Variants in CNOT6L observed in about 807,000 individuals in gnomAD.
CNOT6L encodes the protein CCR4-NOT transcription complex subunit 6 like, also known as CCR4-NOT transcription complex subunit 6-like.
Under a neutral mutation model 64.0 loss-of-function variants are expected in CNOT6L, and 7 were observed. The observed-to-expected ratio is 0.11, with a 90% confidence interval of 0.06 to 0.21. The LOEUF is 0.21. Ranked by LOEUF, CNOT6L falls within the 10% of genes least tolerant of loss-of-function variation. The pLI, the probability that CNOT6L is intolerant of heterozygous loss-of-function variation, is 1.00. For missense variants in CNOT6L, 245 were observed against 669.0 expected (o/e 0.37, Z 6.99); for synonymous variants, 193 against 243.4 (o/e 0.79, Z 1.93).
At position 77,814,517 on chromosome 4, in the gene CNOT6L, A is replaced by G. The variant is rs111456209; in HGVS notation, c.5+4787T>C. On this transcript the variant is annotated intron_variant, in intron 1 of 11. Transcript: ENST00000504123. Reference sequence around the variant, plus strand: ...CTAGTTCATTTGTTTTGAAATAACTAAATTACATGCTTTATTTCCCTTACT... The same window carrying G: ...CTAGTTCATTTGTTTTGAAATAACTGAATTACATGCTTTATTTCCCTTACT... Among the ~76,000 whole-genome samples the G allele has an allele frequency of 1.8e-3, 270 of 152,302 alleles. 2 individuals carry two copies. The highest frequency in any genetic ancestry group is 5.4e-3 in the African/African-American group (225 of 41,576).
At chr4:77,799,275 CTT>C (rs1348961528) in intron 1 of CNOT6L, among the ~76,000 whole-genome samples, 1 of 152,052 alleles carries the variant, frequency 6.6e-6, no homozygotes, top group Admixed American at 6.6e-5. Flanking sequence ...AAAAAACAAA[CTT>C]TGCTGGGAAT....
At chr4:77,738,190 A>G (rs145239820) in intron 8 of CNOT6L, among the ~76,000 whole-genome samples, 3 of 152,316 alleles carry the variant, frequency 2.0e-5, no homozygotes, top group Admixed American at 2.0e-4. Context: ...CAATCCTATG[A>G]TAAGAGATTG....
chr4:77,786,315 G>C (rs946053305), intron 1 of CNOT6L, among the ~76,000 whole-genome samples: 1 of 149,902 alleles, frequency 6.7e-6, no homozygotes, highest in African/African-American at 2.5e-5. Context: ...GAGAGAGAGA[G>C]GAAATAACAT....
chr4:77,820,147 C>T (rs1560446890), upstream of CNOT6L, among the ~76,000 whole-genome samples: 1 of 152,106 alleles, frequency 6.6e-6, no homozygotes, highest in South Asian at 2.1e-4. Context: ...CGCTCACACA[C>T]GTTCACACCC....
Position 77,756,855 on chromosome 4 carries a change from CAGT to C in CNOT6L, c.490+4_490+6del, listed in dbSNP as rs1272170385. On this transcript the variant is annotated splice_donor_5th_base_variant and intron_variant, in intron 5 of 11. Coordinates refer to ENST00000504123, the MANE Select transcript of CNOT6L (RefSeq NM_144571.3). The stretch of plus-strand genomic sequence containing the variant: ...ATTTATTTTACAGCTTTGTCACTAA[CAGT>C]TACCTGCGAGATTGTCAAGCATGAA... The C allele has an allele frequency of 6.4e-7, 1 of 1,574,346 alleles. No homozygotes were observed. The highest frequency in any genetic ancestry group is 1.4e-5 in the African/African-American group (1 of 74,060).
chr4:77,755,319 C>T (rs973489834), intron 5 of CNOT6L, among the ~76,000 whole-genome samples: 4 of 141,328 alleles, frequency 2.8e-5, no homozygotes, highest in Non-Finnish European at 4.5e-5. Flanking sequence ...CGGGTTCAAG[C>T]GATTCTCCTG....
chr4:77,721,237 G>A (rs1721243684), intron 11 of CNOT6L, among the ~76,000 whole-genome samples: 1 of 152,076 alleles, frequency 6.6e-6, no homozygotes, highest in Non-Finnish European at 1.5e-5. Flanking sequence ...TGGAATATGT[G>A]TAAATTCTGG....
At chr4:77,739,531 A>G (rs1723346419) in intron 8 of CNOT6L, among the ~76,000 whole-genome samples, 1 of 152,226 alleles carries the variant, frequency 6.6e-6, no homozygotes. Context: ...GGCAGGGTAT[A>G]ATACTTTAAA....
intron 1 of CNOT6L, among the ~76,000 whole-genome samples, chr4:77,794,372 G>C (rs1730552787): frequency 6.6e-6 from 1 of 151,816 alleles, no homozygotes; most frequent in South Asian, 2.1e-4. Flanking sequence ...TGCAAATAAA[G>C]TCTTTTTTGA....
chr4:77,727,500 A>G (rs1721989200), intron 10 of CNOT6L, among the ~76,000 whole-genome samples: 1 of 143,260 alleles, frequency 7.0e-6, no homozygotes, highest in Non-Finnish European at 1.5e-5. Context: ...CGGGAGGCAG[A>G]GGTTGCAGTC....
chr4:77,812,557 AT>A (rs1733085290), intron 1 of CNOT6L, among the ~76,000 whole-genome samples: 1 of 151,666 alleles, frequency 6.6e-6, no homozygotes, highest in African/African-American at 2.4e-5. Context: ...AACCCCCCAA[AT>A]TTTTTTTAAT....
intron 1 of CNOT6L, among the ~76,000 whole-genome samples, chr4:77,811,340 G>A (rs1732912441): frequency 6.6e-6 from 1 of 152,066 alleles, no homozygotes; most frequent in South Asian, 2.1e-4. Flanking sequence ...ACAAGGTCAG[G>A]AGTTCGAGAC....
chr4:77,765,137 C>A (rs138870063), intron 4 of CNOT6L, among the ~76,000 whole-genome samples: 7 of 152,298 alleles, frequency 4.6e-5, no homozygotes, highest in Non-Finnish European at 8.8e-5. Context: ...GACCTCCAAT[C>A]GTCCTCACTG....
intron 8 of CNOT6L, among the ~76,000 whole-genome samples, chr4:77,735,352 G>A (rs1480076723): frequency 6.6e-6 from 1 of 152,134 alleles, no homozygotes; most frequent in Non-Finnish European, 1.5e-5. Context: ...ATTGCAGCAG[G>A]AGGTATTACT....
Position 77,726,266 on chromosome 4 carries a change from C to T in CNOT6L, c.1356G>A (p.Lys452=), listed in dbSNP as rs1201662757. The part of the protein sequence containing the change: ...ECLMNFSCNG[K]NGSSEGRITH... ...TGATTCTCCCTTCTGAGCTTCCATT[C>T]TTTCCATTGCAGCTGAAGTTCATAA... The change falls in exon 11 of 12, where the codon AAG becomes AAA. Residue 452 remains lysine, a synonymous_variant. Transcript: ENST00000504123. The T allele has an allele frequency of 3.1e-6, 5 of 1,613,764 alleles. No individual in the cohort carries two copies. The highest frequency in any genetic ancestry group is 4.2e-6 in the Non-Finnish European group (5 of 1,179,802).
chr4:77,742,229 A>C lies in CNOT6L; in HGVS notation c.784T>G (p.Phe262Val). ...PALKERGYDG[F>V]FSPKSRAKIM... ...TTGGCACGTGACTTTGGAGAAAAAA[A>C]TCCATCATATCCACGCTCCTTCAAT... is the stretch of plus-strand genomic sequence containing the variant. Residue 262 changes from phenylalanine (F) to valine (V), a missense_variant, in exon 8 of 12, where the codon TTT becomes GTT. By Grantham distance (50) the Phe-to-Val change is conservative. Coordinates refer to ENST00000504123, the MANE Select transcript of CNOT6L (RefSeq NM_144571.3). 6.2e-7 allele frequency: 1 copy of C among 1,613,194 alleles called. No homozygotes were observed. Among genetic ancestry groups the C allele is most frequent in the Non-Finnish European group, 8.5e-7 (1 of 1,179,538 alleles).
At chr4:77,748,598 A>T (rs1224131193) in intron 5 of CNOT6L, among the ~76,000 whole-genome samples, 1 of 152,214 alleles carries the variant, frequency 6.6e-6, no homozygotes, top group Non-Finnish European at 1.5e-5. Flanking sequence ...AAATAACATT[A>T]GGAAATTCAT....
chr4:77,809,860 G>C lies in CNOT6L; in HGVS notation c.5+9444C>G, dbSNP rs79749510. The stretch of plus-strand genomic sequence containing the variant: ...TCTCTCTGCAAAAGATGAATATAAG[G>C]AACATAAAGTGTTTTAATCTCTATT... On this transcript the variant is annotated intron_variant, in intron 1 of 11. Coordinates refer to ENST00000504123, the MANE Select transcript of CNOT6L (RefSeq NM_144571.3). 7.9e-3 allele frequency among the ~76,000 whole-genome samples: 1,202 copies of C among 152,104 alleles called. 10 individuals are homozygous for C. The highest frequency in any genetic ancestry group is 0.013 in the Non-Finnish European group (860 of 67,910).
chr4:77,803,883 C>A (rs1435575290), intron 1 of CNOT6L, among the ~76,000 whole-genome samples: 1 of 150,882 alleles, frequency 6.6e-6, no homozygotes, highest in Non-Finnish European at 1.5e-5. Context: ...AGCCTGTCAA[C>A]AAGAGCGAAA....
Sources: allele counts gnomAD v4.1 joint callset (sites outside exome capture counted in the v4.1 genomes callset), GRCh38; gene constraint gnomAD v4.1.1; transcripts MANE v1.5; gene names NCBI Gene and HGNC (gene_info 2026-07-23, HGNC 2026-07-21).